The following EXOC4 variants were observed in gnomAD, a reference collection of about 807,000 sequenced individuals.
EXOC4 encodes the protein exocyst complex component 4, also known as SEC8-like 1.
EXOC4 carries 71 observed loss-of-function variants against 107.2 expected under a neutral mutation model. The ratio of observed to expected loss-of-function variants is 0.66; its 90% confidence interval spans 0.55 to 0.81. EXOC4 has a LOEUF of 0.81. EXOC4 is among the 30% of genes least tolerant of loss of function. The pLI is 0.00. For synonymous variants in EXOC4, 456 were observed against 441.2 expected, an observed-to-expected ratio of 1.03 and a Z score of -0.42; for missense variants, 1,108 against 1,189.6, an observed-to-expected ratio of 0.93 and a Z score of 1.01.
intron 9 of EXOC4, among the ~76,000 whole-genome samples, chr7:133,590,373 T>C (rs1324077266): frequency 6.6e-6 from 1 of 152,108 alleles, no homozygotes; most frequent in Non-Finnish European, 1.5e-5. Context: ...CCTTTTGATA[T>C]GGACAGGAGG....
At chr7:133,559,970 A>G (rs1329748765) in intron 9 of EXOC4, among the ~76,000 whole-genome samples, 1 of 152,208 alleles carries the variant, frequency 6.6e-6, no homozygotes, top group Non-Finnish European at 1.5e-5. Context: ...GAAAAATTAG[A>G]TAGCTTAGGT....
At chr7:133,971,150 T>C (rs538744377) in intron 14 of EXOC4, among the ~76,000 whole-genome samples, 3 of 151,620 alleles carry the variant, frequency 2.0e-5, no homozygotes, top group African/African-American at 7.3e-5. Context: ...GTACAGAAGG[T>C]TTAGAGAACC....
chr7:134,096,108 A>G, the EXOC4 span, among the ~76,000 whole-genome samples: 3 of 152,332 alleles, frequency 2.0e-5, no homozygotes, highest in South Asian at 6.2e-4. Flanking sequence ...AATTGAACAA[A>G]CAAAACACAT....
intron 1 of EXOC4, among the ~76,000 whole-genome samples, chr7:133,257,504 A>T (rs544073293): frequency 1.3e-5 from 2 of 152,290 alleles, no homozygotes; most frequent in South Asian, 2.1e-4. Flanking sequence ...CATTTTGGAG[A>T]TATTTTATTT....
At chr7:133,788,988 T>A (rs1796648392) in intron 10 of EXOC4, among the ~76,000 whole-genome samples, 1 of 152,192 alleles carries the variant, frequency 6.6e-6, no homozygotes, top group African/African-American at 2.4e-5. Context: ...GCTGCCCCTC[T>A]GAATCAGGCC....
At chr7:133,375,293 T>A (rs1027918888) in intron 7 of EXOC4, among the ~76,000 whole-genome samples, 1 of 152,152 alleles carries the variant, frequency 6.6e-6, no homozygotes, top group Non-Finnish European at 1.5e-5. Flanking sequence ...CTGGCCAACA[T>A]GGTGAAACCT....
chr7:133,932,517 A>C (rs917095417), intron 13 of EXOC4, among the ~76,000 whole-genome samples: 4 of 152,220 alleles, frequency 2.6e-5, no homozygotes, highest in Admixed American at 2.6e-4. Flanking sequence ...ATACTGACTG[A>C]GATTTCCTGA....
At chr7:134,019,878 T>C (rs1483569036) in intron 17 of EXOC4, among the ~76,000 whole-genome samples, 1 of 152,176 alleles carries the variant, frequency 6.6e-6, no homozygotes, top group Non-Finnish European at 1.5e-5. Flanking sequence ...GCTAACTGTT[T>C]TAATCAGCTT....
intron 9 of EXOC4, among the ~76,000 whole-genome samples, chr7:133,581,115 T>G (rs1801257739): frequency 6.6e-6 from 1 of 152,192 alleles, no homozygotes; most frequent in Admixed American, 6.5e-5. Flanking sequence ...TCCTGCTGCT[T>G]TTGATACAGG....
chr7:133,993,713 C>A (rs938178595), intron 14 of EXOC4, among the ~76,000 whole-genome samples: 1 of 152,206 alleles, frequency 6.6e-6, no homozygotes, highest in African/African-American at 2.4e-5. Context: ...CAGCACCTCT[C>A]TGATTCTTGG....
intron 9 of EXOC4, among the ~76,000 whole-genome samples, chr7:133,559,675 A>G (rs1800770516): frequency 2.0e-5 from 3 of 152,128 alleles, no homozygotes; most frequent in Non-Finnish European, 4.4e-5. Context: ...GGGAACAACT[A>G]TTTACAGGAA....
intron 9 of EXOC4, among the ~76,000 whole-genome samples, chr7:133,505,369 G>A (rs1421515762): frequency 6.6e-6 from 1 of 151,858 alleles, no homozygotes; most frequent in Admixed American, 6.6e-5. Context: ...CAAAATTATG[G>A]TTTCATTTTA....
intron 9 of EXOC4, 137 bp from the exon 10 acceptor site, chr7:133,629,907 AT>A: frequency 1.6e-6 from 1 of 610,334 alleles, no homozygotes; most frequent in Non-Finnish European, 2.9e-6. Flanking sequence ...ATTCAAAATA[AT>A]TTCGTACATA....
At chr7:134,058,508 G>T (rs11976686) in intron 17 of EXOC4, among the ~76,000 whole-genome samples, 2,744 of 152,266 alleles carry the variant, frequency 0.018, 68 homozygotes, top group African/African-American at 0.057. Flanking sequence ...AAAAACTCTT[G>T]CTTGTAAACT....
chr7:133,352,695 A>G (rs1373402920), intron 5 of EXOC4, among the ~76,000 whole-genome samples: 1 of 151,862 alleles, frequency 6.6e-6, no homozygotes, highest in Non-Finnish European at 1.5e-5. Context: ...TTTTTTCTAT[A>G]TGCATTATTT....
intron 10 of EXOC4, among the ~76,000 whole-genome samples, chr7:133,729,352 G>A (rs1795279447): frequency 6.6e-6 from 1 of 152,086 alleles, no homozygotes; most frequent in Admixed American, 6.6e-5. Flanking sequence ...CTAGTCTATT[G>A]TATAATTGTT....
the EXOC4 span, among the ~76,000 whole-genome samples, chr7:134,092,700 C>T: frequency 6.6e-6 from 1 of 151,940 alleles, no homozygotes; most frequent in South Asian, 2.1e-4. Flanking sequence ...TACAAGAGAT[C>T]GTGAAGGGAG....
chr7:133,619,553 T>A (rs895295278), intron 9 of EXOC4, among the ~76,000 whole-genome samples: 7 of 152,208 alleles, frequency 4.6e-5, no homozygotes, highest in African/African-American at 1.7e-4. Context: ...CATCAGAGGA[T>A]TCTCAGCTAG....
intron 10 of EXOC4, among the ~76,000 whole-genome samples, chr7:133,675,420 G>C (rs888713498): frequency 6.6e-6 from 1 of 152,086 alleles, no homozygotes; most frequent in African/African-American, 2.4e-5. Context: ...TTATTTTTGT[G>C]TTATCTTTGT....
Sources: gnomAD v4.1 joint callset for allele counts (sites outside exome capture counted in the v4.1 genomes callset) on GRCh38, gnomAD v4.1.1 for gene constraint, MANE v1.5 for transcripts, NCBI Gene and HGNC (gene_info 2026-07-23, HGNC 2026-07-21) for gene names.